Variants in OSBPL1A observed in about 807,000 individuals in gnomAD.
The protein encoded by OSBPL1A is oxysterol binding protein like 1A.
OSBPL1A carries 80 observed loss-of-function variants against 137.1 expected under a neutral mutation model. The observed-to-expected ratio is 0.58, with a 90% CI of 0.49 to 0.70. The LOEUF is 0.70. OSBPL1A is among the 30% of genes least tolerant of loss of function. OSBPL1A has a pLI of 0.00. For synonymous variants in OSBPL1A, 365 were observed against 389.7 expected, an observed-to-expected ratio of 0.94 and a Z score of 0.75; for missense variants, 970 against 1,129.4, an observed-to-expected ratio of 0.86 and a Z score of 2.02.
intron 5 of OSBPL1A, among the ~76,000 whole-genome samples, chr18:24,341,169 A>C (rs1452798749): frequency 1.3e-5 from 2 of 151,896 alleles, no homozygotes; most frequent in East Asian, 3.9e-4. Flanking sequence ...TTAATTTTTA[A>C]TTTTTTTAAA....
At position 24,278,596 on chromosome 18, in the gene OSBPL1A, G is replaced by C. The variant is rs538049613; in HGVS notation, c.1281+2246C>G. 4.4e-4 allele frequency among the ~76,000 whole-genome samples: 67 copies of C among 152,218 alleles called. 1 individual carries two copies. The highest frequency in any genetic ancestry group is 1.5e-3 in the African/African-American group (61 of 41,532). On this transcript the variant is annotated intron_variant, in intron 15 of 27. Coordinates refer to ENST00000319481, the MANE Select transcript of OSBPL1A (RefSeq NM_080597.4). ...TTTTAAGCAGATAGTTTAAAAATTA[G>C]AATAGGTTGATTGCTTCAGAAATTA...
At chr18:24,376,281 C>T (rs954000262) in intron 2 of OSBPL1A, among the ~76,000 whole-genome samples, 1 of 152,134 alleles carries the variant, frequency 6.6e-6, no homozygotes, top group Non-Finnish European at 1.5e-5. Context: ...ACATCCTCAC[C>T]AGGTTAGCTA....
Position 24,222,803 on chromosome 18 carries a change from A to T in OSBPL1A, c.1601+2239T>A, listed in dbSNP as rs556869759. On this transcript the variant is annotated intron_variant, in intron 17 of 27. Coordinates refer to ENST00000319481, the MANE Select transcript of OSBPL1A (RefSeq NM_080597.4). ...ATATTCTCTTTTCTCATTTTAAAAA[A>T]TACACAGTCTCTCTTTAAAAAATAG... 1.4e-4 allele frequency among the ~76,000 whole-genome samples: 21 copies of T among 145,762 alleles called. No individual in the cohort carries two copies. The East Asian group carries it at 3.9e-3, about 27-fold the overall frequency.
intron 5 of OSBPL1A, among the ~76,000 whole-genome samples, chr18:24,341,103 C>T (rs918250151): frequency 6.6e-6 from 1 of 152,144 alleles, no homozygotes; most frequent in Non-Finnish European, 1.5e-5. Flanking sequence ...TCAAACAATC[C>T]TCCTCCCTCC....
At chr18:24,383,528 C>G (rs891813478) in intron 1 of OSBPL1A, among the ~76,000 whole-genome samples, 1 of 152,194 alleles carries the variant, frequency 6.6e-6, no homozygotes, top group African/African-American at 2.4e-5. Context: ...GAGGTCAACA[C>G]AGGCGGATCA....
chr18:24,247,411 A>C (rs2088930364), intron 15 of OSBPL1A, among the ~76,000 whole-genome samples: 2 of 152,192 alleles, frequency 1.3e-5, no homozygotes, highest in Non-Finnish European at 1.5e-5. Context: ...CTATGGGTCA[A>C]GAGAGATAAG....
chr18:24,314,510 G>A (rs975666568), intron 11 of OSBPL1A, among the ~76,000 whole-genome samples, 163 bp from the exon 12 acceptor site: 1 of 152,212 alleles, frequency 6.6e-6, no homozygotes, highest in Non-Finnish European at 1.5e-5. Context: ...TACAGTGGGA[G>A]TATCAAATGC....
chr18:24,353,924 G>T (rs1203460728), intron 4 of OSBPL1A, among the ~76,000 whole-genome samples: 2 of 120,576 alleles, frequency 1.7e-5, no homozygotes, highest in East Asian at 2.9e-4. Context: ...GTTGTGGGGT[G>T]GGGGGAGGGG....
At chr18:24,292,277 G>A (rs2090188054) in intron 14 of OSBPL1A, among the ~76,000 whole-genome samples, 1 of 152,104 alleles carries the variant, frequency 6.6e-6, no homozygotes, top group Admixed American at 6.6e-5. Flanking sequence ...TCAGGGGAGA[G>A]GAGTAGGATA....
At chr18:24,321,028 C>CAAAAA (rs368453121) in intron 7 of OSBPL1A, among the ~76,000 whole-genome samples, 2 of 68,202 alleles carry the variant, frequency 2.9e-5, no homozygotes, top group Admixed American at 1.9e-4. Context: ...GACTTCGTCT[C>CAAAAA]AAAAAAAAAA....
chr18:24,385,172 TC>T (rs1395616311), intron 1 of OSBPL1A, among the ~76,000 whole-genome samples: 2 of 151,980 alleles, frequency 1.3e-5, no homozygotes, highest in Non-Finnish European at 2.9e-5. Context: ...GCCAGGATGG[TC>T]TCTATCTCCT....
intron 15 of OSBPL1A, among the ~76,000 whole-genome samples, chr18:24,258,909 A>G (rs1163034856): frequency 8.3e-6 from 1 of 121,136 alleles, no homozygotes; most frequent in Admixed American, 7.9e-5. Flanking sequence ...TTTAAAGTCT[A>G]TTTTTAAAAT....
intron 15 of OSBPL1A, among the ~76,000 whole-genome samples, chr18:24,278,190 G>A (rs1000867066): frequency 6.6e-6 from 1 of 152,302 alleles, no homozygotes; most frequent in Admixed American, 6.5e-5. Flanking sequence ...AAGACAACAA[G>A]GTTCAGAGAA....
At chr18:24,165,924 C>G (rs541621349) in intron 26 of OSBPL1A, among the ~76,000 whole-genome samples, 12 of 152,218 alleles carry the variant, frequency 7.9e-5, no homozygotes, top group African/African-American at 2.9e-4. Context: ...GGGTGAAACC[C>G]CATTTCCACG....
At chr18:24,315,905 T>G (rs2090726124) in intron 11 of OSBPL1A, among the ~76,000 whole-genome samples, 2 of 134,206 alleles carry the variant, frequency 1.5e-5, no homozygotes, top group East Asian at 2.0e-4. Flanking sequence ...ATATTATATA[T>G]TATATAATAT....
chr18:24,352,883 A>T (rs1400627581), intron 4 of OSBPL1A, among the ~76,000 whole-genome samples: 1 of 152,188 alleles, frequency 6.6e-6, no homozygotes, highest in East Asian at 1.9e-4. Context: ...CTGAAACTGG[A>T]TCCCTTCCTT....
chr18:24,196,305 T>C (rs1401365218), intron 17 of OSBPL1A, 105 bp from the exon 18 acceptor site: 1 of 763,456 alleles, frequency 1.3e-6, no homozygotes, highest in Non-Finnish European at 2.2e-6. Context: ...GAAAGACCCT[T>C]TAAAAATGTG....
At chr18:24,363,558 T>C (rs1190624688) in intron 4 of OSBPL1A, among the ~76,000 whole-genome samples, 2 of 151,402 alleles carry the variant, frequency 1.3e-5, no homozygotes, top group South Asian at 2.1e-4. Flanking sequence ...GTGATTCTCC[T>C]GCCTCAGCCT....
At chr18:24,382,240 A>AC (rs1791809003) in intron 1 of OSBPL1A, among the ~76,000 whole-genome samples, 1 of 149,072 alleles carries the variant, frequency 6.7e-6, no homozygotes, top group African/African-American at 2.5e-5. Flanking sequence ...CTACTAAAAA[A>AC]AAAAAAAAAA....
Sources: allele counts gnomAD v4.1 joint callset (sites outside exome capture counted in the v4.1 genomes callset), GRCh38; gene constraint gnomAD v4.1.1; transcripts MANE v1.5; gene names NCBI Gene and HGNC (gene_info 2026-07-23, HGNC 2026-07-21).